The following ILRUN variants were observed in gnomAD, a reference collection of about 807,000 sequenced individuals.
The protein encoded by ILRUN is inflammation and lipid regulator with UBA-like and NBR1-like domains, also known as protein ILRUN.
ILRUN carries 3 observed loss-of-function variants against 33.8 expected under a neutral mutation model. The observed-to-expected ratio is 0.09, with a 90% CI of 0.04 to 0.23. The LOEUF (loss-of-function observed/expected upper bound fraction) is 0.23. ILRUN is among the 10% of genes least tolerant of loss of function. The pLI, the probability that ILRUN is intolerant of heterozygous loss-of-function variation, is 1.00. For synonymous variants in ILRUN, 124 were observed against 138.9 expected (o/e 0.89, Z 0.75); for missense variants, 210 against 375.1 (o/e 0.56, Z 3.64).
At chr6:34,673,832 T>TACACAC (rs71000079) in intron 1 of ILRUN, among the ~76,000 whole-genome samples, 2,021 of 111,206 alleles carry the variant, frequency 0.018, 174 homozygotes, top group African/African-American at 0.054. Context: ...AACAACCACA[T>TACACAC]ACACACACAC....
At chr6:34,689,484 TC>T (rs1438150043) in intron 1 of ILRUN, among the ~76,000 whole-genome samples, 3 of 152,174 alleles carry the variant, frequency 2.0e-5, no homozygotes, top group Non-Finnish European at 4.4e-5. Flanking sequence ...TACATAATAC[TC>T]TATCACTGTT....
chr6:34,619,621 C>T (rs187790362), intron 3 of ILRUN, among the ~76,000 whole-genome samples: 12 of 152,200 alleles, frequency 7.9e-5, no homozygotes, highest in African/African-American at 1.7e-4. Flanking sequence ...TTACAAAGTG[C>T]GGGGAAGACA....
At chr6:34,618,611 C>G (rs1214492704) in intron 3 of ILRUN, among the ~76,000 whole-genome samples, 3 of 152,208 alleles carry the variant, frequency 2.0e-5, no homozygotes, top group Non-Finnish European at 4.4e-5. Context: ...GAAGTGCCTT[C>G]ACTCACTGCA....
Position 34,695,045 on chromosome 6 carries a change from C to T in ILRUN, c.158+1401G>A, listed in dbSNP as rs998788825. 1.1e-4 allele frequency among the ~76,000 whole-genome samples: 10 copies of T among 94,100 alleles called. No homozygotes were observed. The East Asian group carries it at 2.2e-3, about 21-fold the overall frequency. The allele number at this position is 94,100 out of a possible 152,430, so 61.7% of individuals were successfully genotyped here. ...CAGCCTGAGCGACAGAGCGAGACTC[C>T]GTCTCAAAAAAAAAAAAAAAAAAAA... is the stretch of plus-strand genomic sequence containing the variant. On this transcript the variant is annotated intron_variant, in intron 1 of 4. Transcript: ENST00000374023.
chr6:34,620,262 C>T (rs1017355748), intron 3 of ILRUN, among the ~76,000 whole-genome samples: 1 of 152,046 alleles, frequency 6.6e-6, no homozygotes, highest in South Asian at 2.1e-4. Context: ...CAAGGTGAGA[C>T]ACCGTAAAAA....
At chr6:34,668,784 T>C (rs564451607) in intron 1 of ILRUN, among the ~76,000 whole-genome samples, 54 of 151,674 alleles carry the variant, frequency 3.6e-4, no homozygotes, top group Non-Finnish European at 4.1e-4. Flanking sequence ...AGCAATCCTC[T>C]CATCTCAGCC....
intron 3 of ILRUN, chr6:34,617,321 G>T: frequency 3.2e-6 from 1 of 308,464 alleles, no homozygotes; most frequent in Non-Finnish European, 6.3e-6. Flanking sequence ...CTCTCAAATT[G>T]AAAAAAAAAG....
At chr6:34,611,102 C>A (rs1453937586) in intron 3 of ILRUN, among the ~76,000 whole-genome samples, 2 of 121,954 alleles carry the variant, frequency 1.6e-5, no homozygotes, top group East Asian at 5.2e-4. Context: ...TTTCTGATGT[C>A]TTTTTTTTTT....
chr6:34,658,416 G>A (rs904238235), intron 1 of ILRUN, among the ~76,000 whole-genome samples: 28 of 149,670 alleles, frequency 1.9e-4, no homozygotes, highest in Admixed American at 6.7e-5. Context: ...CCACAGAACT[G>A]TATACTTAAA....
Position 34,693,667 on chromosome 6 carries a change from A to AT in ILRUN, c.158+2778dup, listed in dbSNP as rs71810129. Among the ~76,000 whole-genome samples the AT allele has an allele frequency of 3.9e-3, 556 of 142,190 alleles. 21 individuals are homozygous for AT. Among genetic ancestry groups the AT allele is most frequent in the South Asian group, 0.013 (58 of 4,384 alleles). 93.3% of individuals were successfully genotyped at this position (142,190 alleles called of 152,430 possible). A position where few individuals can be genotyped will look rare whatever the true frequency, so the allele number is the denominator to read the frequency against. On this transcript the variant is annotated intron_variant, in intron 1 of 4. Coordinates refer to ENST00000374023, the MANE Select transcript of ILRUN (RefSeq NM_024294.4). ...AAAACTCAAATAGAAGTTTTATTTT[A>AT]TTTTATTTTTTTTTTTTGAGACGGA...
At chr6:34,675,544 T>C (rs1763211816) in intron 1 of ILRUN, among the ~76,000 whole-genome samples, 2 of 152,054 alleles carry the variant, frequency 1.3e-5, no homozygotes, top group African/African-American at 4.8e-5. Context: ...GAAAGAATTA[T>C]TTCTCCCCCT....
chr6:34,592,365 C>T lies in ILRUN; in HGVS notation c.862-1765G>A, dbSNP rs1231626391. ...TGGTGAGGGAAGCAACTGGCATTTG[C>T]CAAAATGCCACATGGCTGTCAGCCC... On this transcript the variant is annotated intron_variant, in intron 4 of 4. Transcript: ENST00000374023. This position sits in a 1 kb window ranked among gnomAD's most constrained non-coding sequence, Gnocchi z 4.0. 1.3e-5 allele frequency among the ~76,000 whole-genome samples: 2 copies of T among 152,204 alleles called. No homozygotes were observed. Among genetic ancestry groups the T allele is most frequent in the Admixed American group, 6.5e-5 (1 of 15,284 alleles).
intron 3 of ILRUN, among the ~76,000 whole-genome samples, chr6:34,626,939 A>G (rs373016445): frequency 3.6e-4 from 55 of 152,066 alleles, no homozygotes; most frequent in African/African-American, 1.3e-3. Context: ...TGGGAGGCAG[A>G]GGTTGCAGTG....
chr6:34,608,872 C>A (rs967867307), intron 3 of ILRUN, among the ~76,000 whole-genome samples: 1 of 152,190 alleles, frequency 6.6e-6, no homozygotes, highest in Non-Finnish European at 1.5e-5. Context: ...GGTTCCTGAA[C>A]CTTTGATGTT....
intron 3 of ILRUN, among the ~76,000 whole-genome samples, chr6:34,628,147 A>G (rs1762176052): frequency 6.6e-6 from 1 of 151,840 alleles, no homozygotes; most frequent in African/African-American, 2.4e-5. Context: ...CAGCCTCCCA[A>G]GTAGCTGGGA....
intron 3 of ILRUN, among the ~76,000 whole-genome samples, chr6:34,629,736 T>C (rs2814984): frequency 0.44 from 67,411 of 152,010 alleles, 16,941 homozygotes; most frequent in African/African-American, 0.69. Context: ...AGCCGTATTG[T>C]TTCAAATATT....
At chr6:34,686,818 C>A (rs1308366862) in intron 1 of ILRUN, 1 of 73,046 alleles carries the variant, frequency 1.4e-5, no homozygotes, top group Non-Finnish European at 2.7e-5. Flanking sequence ...TAGCTGGGCG[C>A]AGTGGCGGGC....
intron 3 of ILRUN, among the ~76,000 whole-genome samples, chr6:34,611,428 T>C (rs1344999186): frequency 4.2e-4 from 64 of 152,342 alleles, no homozygotes; most frequent in Non-Finnish European, 8.8e-5. Flanking sequence ...CCCTCCTAAG[T>C]TACTGCTGCA....
intron 1 of ILRUN, among the ~76,000 whole-genome samples, chr6:34,691,773 G>A (rs1162218334): frequency 6.6e-6 from 1 of 151,474 alleles, no homozygotes; most frequent in Non-Finnish European, 1.5e-5. Flanking sequence ...TCCGGCCTGG[G>A]CGACAGAGCA....
Sources: gnomAD v4.1 joint callset for allele counts (sites outside exome capture counted in the v4.1 genomes callset) on GRCh38, gnomAD v4.1.1 for gene constraint, Gnocchi (gnomAD v3.1) non-coding constraint, MANE v1.5 for transcripts, NCBI Gene and HGNC (gene_info 2026-07-23, HGNC 2026-07-21) for gene names.